Variants in CIMIP6 observed in about 807,000 individuals in gnomAD.
CIMIP6 encodes uncharacterized protein C2orf73.
the CIMIP6 span, among the ~76,000 whole-genome samples, chr2:54,348,062 G>A: frequency 6.6e-6 from 1 of 152,096 alleles, no homozygotes; most frequent in Admixed American, 6.5e-5. Flanking sequence ...GGAAAGAATG[G>A]GGGAAATGCA....
chr2:54,373,465 T>A, the CIMIP6 span, among the ~76,000 whole-genome samples: 2 of 152,106 alleles, frequency 1.3e-5, no homozygotes, highest in Non-Finnish European at 2.9e-5. Flanking sequence ...TATCCTTCCC[T>A]GGTTTGTGTG....
At chr2:54,346,826 C>A in the CIMIP6 span, among the ~76,000 whole-genome samples, 1 of 152,192 alleles carries the variant, frequency 6.6e-6, no homozygotes, top group Non-Finnish European at 1.5e-5. Context: ...TTTTTAAAAA[C>A]ACATGTGATA....
At chr2:54,382,041 G>C in the CIMIP6 span, 1 of 1,445,882 alleles carries the variant, frequency 6.9e-7, no homozygotes, top group South Asian at 1.6e-5. Context: ...AGAGAAGTTA[G>C]GTAGCTCACT....
the CIMIP6 span, among the ~76,000 whole-genome samples, chr2:54,347,377 G>C: frequency 6.6e-6 from 1 of 152,312 alleles, no homozygotes; most frequent in East Asian, 1.9e-4. Flanking sequence ...ACACAAAGTG[G>C]AATTCCAGTC....
At chr2:54,369,604 A>G in the CIMIP6 span, among the ~76,000 whole-genome samples, 1 of 152,228 alleles carries the variant, frequency 6.6e-6, no homozygotes, top group Non-Finnish European at 1.5e-5. Flanking sequence ...CTGGCAAATC[A>G]AAATGGTTGT....
the CIMIP6 span, among the ~76,000 whole-genome samples, chr2:54,337,117 C>T: frequency 1.7e-4 from 26 of 152,312 alleles, no homozygotes; most frequent in South Asian, 8.3e-4. Context: ...GACCACTGTG[C>T]CAGTGTCAGC....
the CIMIP6 span, among the ~76,000 whole-genome samples, chr2:54,331,195 A>T: frequency 3.9e-5 from 6 of 152,214 alleles, no homozygotes; most frequent in Non-Finnish European, 1.5e-5. Flanking sequence ...ACTGTGTGTC[A>T]GGGACTTGAC....
the CIMIP6 span, among the ~76,000 whole-genome samples, chr2:54,345,835 A>G: frequency 6.6e-6 from 1 of 152,344 alleles, no homozygotes; most frequent in African/African-American, 2.4e-5. Context: ...CAAAATTGCA[A>G]AACAGTCATC....
chr2:54,378,757 A>G, the CIMIP6 span, among the ~76,000 whole-genome samples: 19 of 152,220 alleles, frequency 1.2e-4, no homozygotes, highest in Non-Finnish European at 4.4e-5. Flanking sequence ...TGTTTAAATC[A>G]AACTCCCTTT....
the CIMIP6 span, among the ~76,000 whole-genome samples, chr2:54,342,009 T>C: frequency 1.3e-5 from 2 of 152,184 alleles, no homozygotes; most frequent in Non-Finnish European, 2.9e-5. Context: ...TTTAGCCCAT[T>C]CTGAAAAGTG....
the CIMIP6 span, among the ~76,000 whole-genome samples, chr2:54,373,944 A>C: frequency 6.6e-6 from 1 of 152,172 alleles, no homozygotes; most frequent in Non-Finnish European, 1.5e-5. Context: ...GACAGAGTCT[A>C]TTCTTCCCTT....
At chr2:54,356,388 A>G in the CIMIP6 span, among the ~76,000 whole-genome samples, 1 of 152,196 alleles carries the variant, frequency 6.6e-6, no homozygotes, top group African/African-American at 2.4e-5. Context: ...GATCTTCCCA[A>G]GGCAATGTGA....
the CIMIP6 span, chr2:54,383,110 G>A: frequency 6.6e-6 from 1 of 152,206 alleles, no homozygotes; most frequent in African/African-American, 2.4e-5. Context: ...TCAGCCCAGT[G>A]GAGAGGGCCA....
chr2:54,379,906 G>A, the CIMIP6 span, among the ~76,000 whole-genome samples: 3 of 152,064 alleles, frequency 2.0e-5, no homozygotes, highest in South Asian at 4.2e-4. Flanking sequence ...GAACCCAGGA[G>A]GTGGAGGTTA....
At chr2:54,334,541 C>G in the CIMIP6 span, among the ~76,000 whole-genome samples, 2 of 152,238 alleles carry the variant, frequency 1.3e-5, no homozygotes, top group African/African-American at 2.4e-5. Context: ...AATCCAATCA[C>G]TACTCTTTCT....
chr2:54,382,645 C>T, the CIMIP6 span, among the ~76,000 whole-genome samples: 7 of 152,300 alleles, frequency 4.6e-5, no homozygotes, highest in South Asian at 1.0e-3. Flanking sequence ...ACTAACTAGA[C>T]CCTCCACATG....
the CIMIP6 span, among the ~76,000 whole-genome samples, chr2:54,382,766 C>T: frequency 6.6e-6 from 1 of 152,200 alleles, no homozygotes; most frequent in Admixed American, 6.5e-5. Flanking sequence ...CGGATTTATG[C>T]CAACAGAATG....
At chr2:54,355,061 C>T in the CIMIP6 span, among the ~76,000 whole-genome samples, 1,201 of 151,982 alleles carry the variant, frequency 7.9e-3, 50 homozygotes, top group East Asian at 0.056. Flanking sequence ...CCTTCCTTTC[C>T]TTCCCATGTT....
chr2:54,366,507 G>T, the CIMIP6 span, among the ~76,000 whole-genome samples: 1 of 152,186 alleles, frequency 6.6e-6, no homozygotes, highest in African/African-American at 2.4e-5. Flanking sequence ...ATTAAAGAAA[G>T]ATGTGAGTTT....
Sources: allele counts gnomAD v4.1 joint callset (sites outside exome capture counted in the v4.1 genomes callset), GRCh38; gene constraint gnomAD v4.1.1; transcripts MANE v1.5; gene names NCBI Gene and HGNC (gene_info 2026-07-23, HGNC 2026-07-21).